Variants in UNC13C observed in about 807,000 individuals in gnomAD.
UNC13C encodes the protein protein unc-13 homolog C.
UNC13C carries 174 observed loss-of-function variants against 245.4 expected under a neutral mutation model. The observed-to-expected ratio is 0.71, with a 90% CI of 0.63 to 0.80. The LOEUF (loss-of-function observed/expected upper bound fraction) is 0.80. Ranked by LOEUF, UNC13C falls within the 30% of genes least tolerant of loss-of-function variation. UNC13C has a pLI of 0.00. For synonymous variants in UNC13C, 992 were observed against 895.1 expected, an observed-to-expected ratio of 1.11 and a Z score of -1.93; for missense variants, 2,829 against 2,602.9, an observed-to-expected ratio of 1.09 and a Z score of -1.89.
chr15:54,568,302 T>A (rs1383603831), intron 30 of UNC13C, among the ~76,000 whole-genome samples: 1 of 152,116 alleles, frequency 6.6e-6, no homozygotes, highest in African/African-American at 2.4e-5. Context: ...ATTTCTGGTC[T>A]TGGTATCTTC....
At chr15:53,943,621 A>G in the UNC13C span, among the ~76,000 whole-genome samples, 1 of 152,186 alleles carries the variant, frequency 6.6e-6, no homozygotes, top group East Asian at 1.9e-4. Context: ...GGGCTTATGC[A>G]TGATTTAAAA....
At chr15:54,516,069 G>A (rs1289207550) in intron 24 of UNC13C, among the ~76,000 whole-genome samples, 1 of 152,104 alleles carries the variant, frequency 6.6e-6, no homozygotes, top group African/African-American at 2.4e-5. Flanking sequence ...CAAATTTGAT[G>A]TGTCAACTAG....
rs2035424611 is a variant in UNC13C, at chr15:54,227,550, G to C, written c.3072-7480G>C. ...GCCTAAATCTTCAGAGGGAGACCGA[G>C]GGGGCAGGGGGGTAGTGTGTCAGGA... On this transcript the variant is annotated intron_variant, in intron 4 of 32. Transcript: ENST00000260323. Among the ~76,000 whole-genome samples, 5 of 152,314 alleles carry C rather than the reference G, an allele frequency of 3.3e-5. No homozygotes were observed. The South Asian group carries it at 1.0e-3, about 32-fold the overall frequency.
the UNC13C span, among the ~76,000 whole-genome samples, chr15:53,940,004 A>T: frequency 6.6e-6 from 1 of 152,122 alleles, no homozygotes; most frequent in Non-Finnish European, 1.5e-5. Flanking sequence ...TAGCAGCTAG[A>T]TGAAGGAACT....
At chr15:54,513,877 C>T (rs1488832153) in intron 24 of UNC13C, among the ~76,000 whole-genome samples, 1 of 151,586 alleles carries the variant, frequency 6.6e-6, no homozygotes, top group African/African-American at 2.4e-5. Context: ...TCTTTTTCTC[C>T]TCTCTATGCA....
At chr15:53,850,287 C>T in the UNC13C span, among the ~76,000 whole-genome samples, 2 of 152,008 alleles carry the variant, frequency 1.3e-5, no homozygotes, top group Admixed American at 6.6e-5. Flanking sequence ...TGGTGGCATG[C>T]ACCTATGGTC....
At chr15:54,306,982 T>C (rs1294534102) in intron 13 of UNC13C, among the ~76,000 whole-genome samples, 3 of 152,026 alleles carry the variant, frequency 2.0e-5, no homozygotes, top group Non-Finnish European at 4.4e-5. Context: ...ATTTACTCAG[T>C]GCCTATCATG....
At chr15:54,602,658 C>G (rs1899503303) in intron 30 of UNC13C, among the ~76,000 whole-genome samples, 1 of 152,140 alleles carries the variant, frequency 6.6e-6, no homozygotes, top group South Asian at 2.1e-4. Context: ...CCACATAGAA[C>G]AAGTGTAAGG....
intron 17 of UNC13C, among the ~76,000 whole-genome samples, chr15:54,341,079 A>G (rs934198826): frequency 6.6e-6 from 1 of 152,350 alleles, no homozygotes; most frequent in Admixed American, 6.5e-5. Context: ...CAGAACTACC[A>G]TTTGACCTAG....
chr15:54,324,581 T>A (rs185959590), intron 14 of UNC13C, among the ~76,000 whole-genome samples: 7 of 151,654 alleles, frequency 4.6e-5, no homozygotes, highest in Non-Finnish European at 8.9e-5. Context: ...ATGACAGTGA[T>A]TTTTTTTTAA....
At chr15:54,490,673 A>G (rs767303279) in intron 19 of UNC13C, among the ~76,000 whole-genome samples, 25 of 149,832 alleles carry the variant, frequency 1.7e-4, no homozygotes, top group Non-Finnish European at 3.0e-4. Flanking sequence ...TTTTTTTTTT[A>G]ATGGCATGGC....
chr15:54,501,040 T>C, intron 22 of UNC13C, 62 bp downstream of exon 22: 1 of 1,542,650 alleles, frequency 6.5e-7, no homozygotes. Context: ...AAAATGCTAT[T>C]GTTTTGTGGT....
chr15:54,160,656 A>C (rs2032936505), intron 4 of UNC13C, among the ~76,000 whole-genome samples: 1 of 152,118 alleles, frequency 6.6e-6, no homozygotes, highest in Admixed American at 6.6e-5. Context: ...AAAGCTTCCT[A>C]ATTTCTCTAA....
At chr15:54,170,899 G>A (rs149821694) in intron 4 of UNC13C, among the ~76,000 whole-genome samples, 31 of 152,266 alleles carry the variant, frequency 2.0e-4, no homozygotes, top group African/African-American at 7.5e-4. Context: ...TTCTGTGAGA[G>A]TCTGCGCAAG....
intron 10 of UNC13C, among the ~76,000 whole-genome samples, chr15:54,269,596 A>G (rs1461723689): frequency 6.6e-6 from 1 of 152,170 alleles, no homozygotes; most frequent in Non-Finnish European, 1.5e-5. Flanking sequence ...AAAACTACCT[A>G]GGACCACCCA....
intron 30 of UNC13C, among the ~76,000 whole-genome samples, chr15:54,600,089 A>G (rs1024393143): frequency 1.3e-5 from 2 of 152,088 alleles, no homozygotes; most frequent in African/African-American, 2.4e-5. Flanking sequence ...TTTGGAACAG[A>G]GAGAATAATG....
chr15:54,594,529 G>A (rs1898966145), intron 30 of UNC13C, among the ~76,000 whole-genome samples: 1 of 152,002 alleles, frequency 6.6e-6, no homozygotes, highest in Non-Finnish European at 1.5e-5. Flanking sequence ...GGGGGTGAGA[G>A]TCCCAGGTCA....
chr15:54,521,038 G>C (rs1165516008), intron 24 of UNC13C, among the ~76,000 whole-genome samples: 1 of 152,204 alleles, frequency 6.6e-6, no homozygotes, highest in South Asian at 2.1e-4. Context: ...TAATGGTAGA[G>C]GGAATGAAAA....
chr15:53,913,626 A>G, the UNC13C span: 1 of 152,254 alleles, frequency 6.6e-6, no homozygotes, highest in Non-Finnish European at 1.5e-5. Context: ...CAGCACAGAC[A>G]TCCACTTTAG....
Sources: gnomAD v4.1 joint callset for allele counts (sites outside exome capture counted in the v4.1 genomes callset) on GRCh38, gnomAD v4.1.1 for gene constraint, MANE v1.5 for transcripts, NCBI Gene and HGNC (gene_info 2026-07-23, HGNC 2026-07-21) for gene names.